The following ENOX2 variants were observed in gnomAD, a reference collection of about 807,000 sequenced individuals.
The protein encoded by ENOX2 is ecto-NOX disulfide-thiol exchanger 2.
A neutral mutation model predicts 45.0 loss-of-function variants in ENOX2; 36 were observed. The ratio of observed to expected loss-of-function variants is 0.80; its 90% CI spans 0.61 to 1.06. ENOX2 has a LOEUF of 1.06. Among genes scored for constraint, ENOX2 ranks in the 50% least tolerant of loss-of-function variants. The pLI is 0.00. For missense variants in ENOX2, 423 were observed against 462.5 expected, an observed-to-expected ratio of 0.91 and a Z score of 0.78; for synonymous variants, 174 against 152.3, an observed-to-expected ratio of 1.14 and a Z score of -1.05.
At chrX:130,783,759 T>C in intron 2 of ENOX2, 69 bp from the exon 3 acceptor site, 3 of 231,477 alleles carry the variant, frequency 1.3e-5, no homozygotes, top group Non-Finnish European at 2.4e-5. Flanking sequence ...GATTTTATTA[T>C]ATGAGCCACT....
At position 130,667,689 on chromosome X, in the gene ENOX2, C is replaced by T; in HGVS notation, c.748G>A (p.Gly250Arg). 8.3e-7 allele frequency: 1 copy of T among 1,211,046 alleles called. No homozygotes were observed. Among genetic ancestry groups the T allele is most frequent in the Non-Finnish European group, 1.1e-6 (1 of 894,705 alleles). ...VQTLLTWIER[G>R]EVNRRSANNF... is the part of the protein sequence containing the mutation. ...TTGGCGCTACGACGGTTGACCTCTC[C>T]TCGCTCTATCCAGGTAAGCAAGGTC... is the stretch of plus-strand genomic sequence containing the variant. The change falls in exon 8 of 15, where the codon GGA becomes AGA. Residue 250 changes from glycine to arginine, a missense_variant. Physicochemically the swap from Gly to Arg is moderately radical, Grantham distance 125. Transcript: ENST00000394363.
chrX:130,669,870 A>G, intron 7 of ENOX2, 95 bp downstream of exon 7: 1 of 630,096 alleles, frequency 1.6e-6, no homozygotes. Flanking sequence ...TTAGTAGGAA[A>G]CTCAAAGTGT....
chrX:130,665,431 T>C (rs1271886045), intron 9 of ENOX2, among the ~76,000 whole-genome samples: 1 of 112,271 alleles, frequency 8.9e-6, no homozygotes, highest in East Asian at 2.8e-4. Context: ...GCAGAATGCA[T>C]TCACCACAGC....
chrX:130,722,788 G>C (rs1273532881), intron 3 of ENOX2, among the ~76,000 whole-genome samples: 1 of 112,190 alleles, frequency 8.9e-6, no homozygotes, highest in African/African-American at 3.2e-5. Context: ...TGCATATCTG[G>C]AATTACCAGT....
chrX:130,672,137 A>G (rs920670319), intron 6 of ENOX2, among the ~76,000 whole-genome samples: 2 of 112,190 alleles, frequency 1.8e-5, no homozygotes, highest in Admixed American at 1.9e-4. Context: ...AAAGAGCCAC[A>G]ATCAAACATC....
chrX:130,857,469 A>C (rs2078330027), intron 2 of ENOX2, among the ~76,000 whole-genome samples: 1 of 112,510 alleles, frequency 8.9e-6, no homozygotes, highest in Non-Finnish European at 1.9e-5. Flanking sequence ...CAAGGGTTCT[A>C]AGGGCTGTGA....
intron 10 of ENOX2, among the ~76,000 whole-genome samples, chrX:130,642,902 T>G (rs2036126741): frequency 8.9e-6 from 1 of 112,474 alleles, no homozygotes; most frequent in Non-Finnish European, 1.9e-5. Flanking sequence ...ATAATTCATA[T>G]AGAGTGCTTT....
chrX:130,667,428 C>T (rs2036862154), intron 8 of ENOX2, 102 bp downstream of exon 8: 2 of 718,214 alleles, frequency 2.8e-6, no homozygotes, highest in Non-Finnish European at 4.3e-6. Context: ...GAGCCTTGAG[C>T]CTTAACACAG....
intron 2 of ENOX2, among the ~76,000 whole-genome samples, chrX:130,807,521 A>G (rs1469039624): frequency 9.0e-6 from 1 of 111,625 alleles, no homozygotes; most frequent in Non-Finnish European, 1.9e-5. Flanking sequence ...ACTAGAAGTC[A>G]CAGCTAATTA....
intron 3 of ENOX2, among the ~76,000 whole-genome samples, chrX:130,755,504 T>C (rs1295572721): frequency 1.8e-5 from 2 of 111,582 alleles, no homozygotes; most frequent in Non-Finnish European, 3.8e-5. Flanking sequence ...AATGAAGATG[T>C]ACCTCTAAAA....
intron 3 of ENOX2, among the ~76,000 whole-genome samples, chrX:130,719,067 C>A (rs567552989): frequency 1.8e-5 from 2 of 112,040 alleles, no homozygotes; most frequent in Non-Finnish European, 3.8e-5. Context: ...TTAACATAAC[C>A]ATTTGCATGT....
intron 2 of ENOX2, among the ~76,000 whole-genome samples, chrX:130,786,974 G>A (rs944393233): frequency 9.4e-5 from 8 of 85,454 alleles, no homozygotes; most frequent in South Asian, 7.0e-4. Flanking sequence ...CTGAGGAATC[G>A]CCACACTGAC....
intron 3 of ENOX2, among the ~76,000 whole-genome samples, chrX:130,766,210 T>C (rs1239554359): frequency 9.0e-6 from 1 of 111,717 alleles, no homozygotes; most frequent in East Asian, 2.8e-4. Flanking sequence ...CATAATGATG[T>C]TTTATCTCTG....
intron 3 of ENOX2, among the ~76,000 whole-genome samples, chrX:130,736,556 C>T (rs1161392551): frequency 8.9e-6 from 1 of 112,159 alleles, no homozygotes; most frequent in Non-Finnish European, 1.9e-5. Flanking sequence ...CTTGTAACTA[C>T]TCTGCCTTCC....
chrX:130,762,691 C>T (rs1476817435), intron 3 of ENOX2, among the ~76,000 whole-genome samples: 2 of 112,029 alleles, frequency 1.8e-5, no homozygotes, highest in Admixed American at 9.4e-5. Context: ...ACTGAATTCT[C>T]GTTTTATTCC....
At chrX:130,667,773 A>T in intron 7 of ENOX2, 31 bp from the exon 8 acceptor site, 1 of 1,093,770 alleles carries the variant, frequency 9.1e-7, no homozygotes, top group South Asian at 2.0e-5. Context: ...TAACCAACAA[A>T]GGTAACCAAA....
In ENOX2 at chrX:130,667,595, T is replaced by C; in HGVS notation, c.842A>G (p.His281Arg). The change falls in exon 8 of 15, where the codon CAT becomes CGT. Residue 281 changes from histidine (H) to arginine (R), a missense_variant. Coordinates refer to ENST00000394363, the MANE Select transcript of ENOX2 (RefSeq NM_006375.4). ...CTTTGCTTCTTCCATATCTTTCTCA[T>C]GGGCAGCTTTCTCGTTCACCAGGCG... is the stretch of plus-strand genomic sequence containing the variant. Reference protein sequence around the residue: ...VRRLVNEKAAHEKDMEEAKEK... With the variant: ...VRRLVNEKAAREKDMEEAKEK... The C allele has an allele frequency of 5.8e-6, 7 of 1,211,773 alleles. No homozygotes were observed. The highest frequency in any genetic ancestry group is 7.8e-6 in the Non-Finnish European group (7 of 895,475).
At chrX:130,895,339 G>A (rs2079045344) in intron 2 of ENOX2, among the ~76,000 whole-genome samples, 1 of 111,543 alleles carries the variant, frequency 9.0e-6, no homozygotes, top group African/African-American at 3.3e-5. Context: ...AAAGCTGATA[G>A]GAGGACACCT....
intron 3 of ENOX2, chrX:130,709,349 T>C: frequency 9.7e-7 from 1 of 1,031,538 alleles, no homozygotes; most frequent in African/African-American, 1.8e-5. Flanking sequence ...AAGAAGATAG[T>C]AGTCTCAGCT....
Sources: gnomAD v4.1 joint callset for allele counts (sites outside exome capture counted in the v4.1 genomes callset) on GRCh38, gnomAD v4.1.1 for gene constraint, MANE v1.5 for transcripts, NCBI Gene and HGNC (gene_info 2026-07-23, HGNC 2026-07-21) for gene names.